The following TTI1 variants were observed in gnomAD, a reference collection of about 807,000 sequenced individuals.
TTI1 encodes the protein TELO2-interacting protein 1 homolog.
A neutral mutation model predicts 85.4 loss-of-function variants in TTI1; 52 were observed. The observed-to-expected ratio is 0.61, with a 90% CI of 0.49 to 0.77. TTI1 has a LOEUF of 0.77. TTI1 is among the 30% of genes least tolerant of loss of function. The pLI is 0.00. For synonymous variants in TTI1, 512 were observed against 503.9 expected, an observed-to-expected ratio of 1.02 and a Z score of -0.22; for missense variants, 1,173 against 1,296.0, an observed-to-expected ratio of 0.91 and a Z score of 1.46.
At chr20:38,024,112 A>T (rs1289954297) in intron 1 of TTI1, among the ~76,000 whole-genome samples, 1 of 152,210 alleles carries the variant, frequency 6.6e-6, no homozygotes, top group Non-Finnish European at 1.5e-5. Flanking sequence ...TTTCTAAAAA[A>T]GGGATTCTTA....
At chr20:37,985,679 C>A (rs1346903085) in intron 7 of TTI1, among the ~76,000 whole-genome samples, 4 of 152,098 alleles carry the variant, frequency 2.6e-5, no homozygotes, top group Non-Finnish European at 5.9e-5. Flanking sequence ...AGGCATCCAT[C>A]ACCATGCCCG....
At chr20:38,027,993 G>C (rs2073857449) in intron 1 of TTI1, among the ~76,000 whole-genome samples, 1 of 152,154 alleles carries the variant, frequency 6.6e-6, no homozygotes, top group Non-Finnish European at 1.5e-5. Flanking sequence ...CATTACACAG[G>C]TCTGTCTTCA....
intron 1 of TTI1, among the ~76,000 whole-genome samples, chr20:38,020,323 A>AAAAATATATATATATATATATATAT: frequency 6.0e-5 from 3 of 50,382 alleles, no homozygotes; most frequent in African/African-American, 8.9e-5. Flanking sequence ...AAAAAAAAAA[A>AAAAATATATATATATATATATATAT]ATATATATAT....
chr20:38,016,756 C>G (rs182876706), intron 1 of TTI1, among the ~76,000 whole-genome samples: 1 of 152,272 alleles, frequency 6.6e-6, no homozygotes, highest in African/African-American at 2.4e-5. Flanking sequence ...TTGCCCTCCT[C>G]GAATTCACAT....
intron 1 of TTI1, among the ~76,000 whole-genome samples, chr20:38,015,046 G>A (rs2073661310): frequency 6.6e-6 from 1 of 152,130 alleles, no homozygotes; most frequent in Non-Finnish European, 1.5e-5. Flanking sequence ...TCTACTTGCT[G>A]GGGGCTTTTG....
intron 2 of TTI1, among the ~76,000 whole-genome samples, chr20:38,008,169 G>C (rs183762673): frequency 2.0e-5 from 3 of 152,182 alleles, no homozygotes; most frequent in Admixed American, 1.3e-4. Flanking sequence ...TGGCACTCTC[G>C]TACATTGCTG....
intron 7 of TTI1, among the ~76,000 whole-genome samples, chr20:37,993,727 T>C (rs2073298698): frequency 6.6e-6 from 1 of 152,260 alleles, no homozygotes; most frequent in Admixed American, 6.5e-5. Flanking sequence ...CAAAGCAAGC[T>C]GGTCATCTGC....
chr20:37,983,570 G>A lies in TTI1; in HGVS notation c.3156C>T (p.Pro1052=), dbSNP rs146502301. ...TGGGGTGGGGAGGTGTGAACTGCAC[G>A]GGGCAGTAAAGCTCGTTCAGGAGGA... ...TWFLLNELYC[P]VQFTPPHPSL... The change falls in exon 8 of 8, where the codon CCC becomes CCT. Residue 1052 remains proline, a synonymous_variant. Coordinates refer to ENST00000373447, the MANE Select transcript of TTI1 (RefSeq NM_001303457.2). The A allele has an allele frequency of 3.8e-5, 61 of 1,592,612 alleles. No individual in the cohort carries two copies. The highest frequency in any genetic ancestry group is 4.8e-5 in the Non-Finnish European group (56 of 1,170,588).
At chr20:37,985,684 T>G (rs2073181298) in intron 7 of TTI1, among the ~76,000 whole-genome samples, 2 of 152,048 alleles carry the variant, frequency 1.3e-5, no homozygotes, top group Admixed American at 6.5e-5. Context: ...TCCATCACCA[T>G]GCCCGGCTAA....
Position 37,991,505 on chromosome 20 carries a change from C to G in TTI1, c.3086+4870G>C, listed in dbSNP as rs566373868. Among the ~76,000 whole-genome samples the G allele has an allele frequency of 1.2e-4, 19 of 152,306 alleles. No homozygotes were observed. In the South Asian group the frequency reaches 3.7e-3, roughly 30 times the overall value. ...GCTGGTTCTTTGATGGGATGGGATC[C>G]TACTGCTAGAAAGAGAGCAGGGAAG... On this transcript the variant is annotated intron_variant, in intron 7 of 7. Transcript: ENST00000373447.
At chr20:38,007,196 T>C (rs1378193635) in intron 2 of TTI1, among the ~76,000 whole-genome samples, 1 of 152,234 alleles carries the variant, frequency 6.6e-6, no homozygotes, top group Non-Finnish European at 1.5e-5. Context: ...GTACAGAATA[T>C]ACCACTCATT....
Position 38,006,368 on chromosome 20 carries a change from C to A in TTI1, c.2332G>T (p.Gly778Trp). The change falls in exon 3 of 8, where the codon GGG becomes TGG. Residue 778 changes from glycine (G) to tryptophan (W), a missense_variant. Physicochemically the swap from Gly to Trp is radical, Grantham distance 184 (BLOSUM62 -2). Transcript: ENST00000373447. ...CCTAAACTTTGCTCTTGGAGGTGCC[C>A]AAGATTACCTGTGTCTGGGAACCAC... Reference protein sequence around the residue: ...AQWFPDTGNLGHLQEQSLGEE... With the variant: ...AQWFPDTGNLWHLQEQSLGEE... 6.2e-7 allele frequency: 1 copy of A among 1,614,118 alleles called. No homozygotes were observed. Among genetic ancestry groups the A allele is most frequent in the Non-Finnish European group, 8.5e-7 (1 of 1,180,032 alleles).
Position 38,011,527 on chromosome 20 carries a change from T to A in TTI1, c.2290A>T (p.Met764Leu). 1 of 1,614,058 alleles carries A rather than the reference T, an allele frequency of 6.2e-7. No individual in the cohort carries two copies. Among genetic ancestry groups the A allele is most frequent in the Non-Finnish European group, 8.5e-7 (1 of 1,179,980 alleles). Residue 764 changes from methionine to leucine, a missense_variant, in exon 2 of 8, where the codon ATG (methionine) becomes TTG (leucine). Transcript: ENST00000373447. ...GCTCTCAATGTACCTAATGCTGCCA[T>A]CAGAGCATGCAGAACGCTGACAAAG... ...ASFVSVLHAL[M>L]AALAQWFPDT...
chr20:37,993,219 C>T lies in TTI1; in HGVS notation c.3086+3156G>A, dbSNP rs1184661248. On this transcript the variant is annotated intron_variant, in intron 7 of 7. Transcript: ENST00000373447. The stretch of plus-strand genomic sequence containing the variant: ...TCCCCTGCCCCTCCCCCATGCCTCC[C>T]CCAGTTGGAAGATTTATGCCCCCTC... Among the ~76,000 whole-genome samples the T allele has an allele frequency of 2.7e-5, 4 of 148,182 alleles. No individual in the cohort carries two copies. In the East Asian group the frequency reaches 5.9e-4, roughly 22 times the overall value.
At chr20:38,023,059 C>A (rs1215143546) in intron 1 of TTI1, among the ~76,000 whole-genome samples, 2 of 152,192 alleles carry the variant, frequency 1.3e-5, no homozygotes, top group Non-Finnish European at 2.9e-5. Flanking sequence ...ATCGCCAATA[C>A]AAGTTCTTGA....
At chr20:38,029,454 T>C (rs1000875784) in intron 1 of TTI1, among the ~76,000 whole-genome samples, 3 of 151,190 alleles carry the variant, frequency 2.0e-5, no homozygotes, top group Non-Finnish European at 4.4e-5. Flanking sequence ...GAGCAGAAAC[T>C]GACAAAACTG....
intron 6 of TTI1, 72 bp downstream of exon 6, chr20:37,996,677 G>A: frequency 1.3e-6 from 2 of 1,532,152 alleles, no homozygotes; most frequent in Non-Finnish European, 1.8e-6. Flanking sequence ...GCACGACTGA[G>A]CAGAGGGCAT....
intron 1 of TTI1, among the ~76,000 whole-genome samples, chr20:38,014,385 C>A (rs1337513702): frequency 6.6e-6 from 1 of 152,194 alleles, no homozygotes; most frequent in Non-Finnish European, 1.5e-5. Flanking sequence ...TCCCTCATGT[C>A]CTTTTGCAAT....
intron 5 of TTI1, among the ~76,000 whole-genome samples, chr20:37,997,879 C>T (rs2073365733): frequency 6.6e-6 from 1 of 152,152 alleles, no homozygotes; most frequent in African/African-American, 2.4e-5. Context: ...AAACCCCGCC[C>T]TGCAGTACAT....
Sources: allele counts gnomAD v4.1 joint callset (sites outside exome capture counted in the v4.1 genomes callset), GRCh38; gene constraint gnomAD v4.1.1; transcripts MANE v1.5; gene names NCBI Gene and HGNC (gene_info 2026-07-23, HGNC 2026-07-21).